The following VPS26C variants were observed in gnomAD, a reference collection of about 807,000 sequenced individuals.
VPS26C encodes the protein vacuolar protein sorting-associated protein 26C.
Under a neutral mutation model 30.6 loss-of-function variants are expected in VPS26C, and 19 were observed. That is an observed-to-expected ratio of 0.62 (90% CI 0.43 to 0.91). VPS26C has a LOEUF of 0.91. Ranked by LOEUF, VPS26C falls within the 40% of genes least tolerant of loss-of-function variation. The probability of loss-of-function intolerance (pLI) is 0.00; values close to 1 mark genes in which losing one functional copy is unlikely to be tolerated. For synonymous variants in VPS26C, 132 were observed against 151.5 expected (o/e 0.87, Z 0.95); for missense variants, 318 against 385.1 (o/e 0.83, Z 1.46).
intron 3 of VPS26C, among the ~76,000 whole-genome samples, chr21:37,234,129 G>A (rs1321693433): frequency 6.6e-6 from 1 of 152,182 alleles, no homozygotes; most frequent in Non-Finnish European, 1.5e-5. Flanking sequence ...GGTCCTCAGG[G>A]AACTTCTAGT....
At chr21:37,238,327 T>C in intron 3 of VPS26C, 133 bp downstream of exon 3, 1 of 999,448 alleles carries the variant, frequency 1.0e-6, no homozygotes, top group Non-Finnish European at 1.4e-6. Context: ...TAACGTCGAA[T>C]ATACATGCGA....
chr21:37,248,618 C>T (rs1419437755), intron 1 of VPS26C, among the ~76,000 whole-genome samples: 1 of 151,514 alleles, frequency 6.6e-6, no homozygotes, highest in Non-Finnish European at 1.5e-5. Flanking sequence ...AAATAAGGCC[C>T]CCAAACCCGA....
At chr21:37,241,640 A>G (rs545033301) in intron 1 of VPS26C, among the ~76,000 whole-genome samples, 17 of 152,166 alleles carry the variant, frequency 1.1e-4, no homozygotes, top group African/African-American at 4.1e-4. Context: ...TAACATAGCG[A>G]GACTCCATCT....
rs564928834 is a variant in VPS26C, at chr21:37,234,865, C to T, written c.352-1423G>A. On this transcript the variant is annotated intron_variant, in intron 3 of 7. Coordinates refer to ENST00000309117, the MANE Select transcript of VPS26C (RefSeq NM_006052.2). ...TATATTCTTTTTTTGTTTTTTAATA[C>T]GGAGTCTCACTCTGTCACCCAGGCT... is the stretch of plus-strand genomic sequence containing the variant. 1.1e-4 allele frequency among the ~76,000 whole-genome samples: 16 copies of T among 151,840 alleles called. No homozygotes were observed. In the South Asian group the frequency reaches 2.7e-3, roughly 26 times the overall value.
At chr21:37,241,771 G>A (rs1208317085) in intron 1 of VPS26C, among the ~76,000 whole-genome samples, 2 of 152,174 alleles carry the variant, frequency 1.3e-5, no homozygotes, top group African/African-American at 4.8e-5. Context: ...GCAGCGAGCT[G>A]TGACTACGCT....
Position 37,238,629 on chromosome 21 carries a change from C to T in VPS26C, c.202-20G>A. 6.2e-7 allele frequency: 1 copy of T among 1,612,916 alleles called. No homozygotes were observed. Among genetic ancestry groups the T allele is most frequent in the South Asian group, 1.1e-5 (1 of 90,906 alleles). On this transcript the variant is annotated intron_variant, in intron 2 of 7. Transcript: ENST00000309117. Reference sequence around the variant, plus strand: ...GATAGGCTGTAAACAAAAATCAGTTCAGTCCATCAGCACACACTTGGAAAT... The same window carrying T: ...GATAGGCTGTAAACAAAAATCAGTTTAGTCCATCAGCACACACTTGGAAAT...
At chr21:37,251,140 G>A (rs1206624774) in intron 1 of VPS26C, among the ~76,000 whole-genome samples, 1 of 152,130 alleles carries the variant, frequency 6.6e-6, no homozygotes, top group East Asian at 1.9e-4. Context: ...CATTGCTGGG[G>A]ATAACCTGAA....
At chr21:37,227,574 C>A in intron 7 of VPS26C, 80 bp downstream of exon 7, 1 of 1,532,808 alleles carries the variant, frequency 6.5e-7, no homozygotes, top group Non-Finnish European at 9.0e-7. Flanking sequence ...AGGTTCTGAG[C>A]TCTGTGACCC....
rs756492772 is a variant in VPS26C, at chr21:37,228,373, T to C, written c.508A>G (p.Arg170Gly). 5 of 1,613,760 alleles carry C rather than the reference T, an allele frequency of 3.1e-6. No individual in the cohort carries two copies. In the Admixed American group the frequency reaches 5.0e-5, roughly 16 times the overall value. The part of the protein sequence containing the change: ...TPETLQNVKE[R>G]ALLPKFLLRG... The stretch of plus-strand genomic sequence containing the variant: ...AGGAGAAATTTGGGAAGCAAAGCTC[T>C]CTAAAACAAAATGAAAACAAATACA... The change falls in exon 6 of 8, where the codon AGA (arginine) becomes GGA (glycine). Residue 170 changes from arginine to glycine, a missense_variant and splice_region_variant. Physicochemically the swap from Arg to Gly is moderately radical, Grantham distance 125. Coordinates refer to ENST00000309117, the MANE Select transcript of VPS26C (RefSeq NM_006052.2).
intron 1 of VPS26C, among the ~76,000 whole-genome samples, chr21:37,244,372 G>C (rs1473282461): frequency 2.0e-5 from 3 of 152,196 alleles, no homozygotes; most frequent in African/African-American, 7.2e-5. Context: ...CAAGTAGCTG[G>C]GACTACAGGC....
chr21:37,235,089 C>A (rs1185612991), intron 3 of VPS26C, among the ~76,000 whole-genome samples: 1 of 152,012 alleles, frequency 6.6e-6, no homozygotes, highest in South Asian at 2.1e-4. Flanking sequence ...TCACTGCAAA[C>A]TCTGCCTCCT....
chr21:37,267,537 C>A (rs564359364), upstream of VPS26C: 4 of 564,100 alleles, frequency 7.1e-6, no homozygotes, highest in Non-Finnish European at 9.4e-6. Flanking sequence ...CACCCCGCCC[C>A]CTCTGGGCGT....
At chr21:37,263,656 G>A (rs563763717) in intron 1 of VPS26C, among the ~76,000 whole-genome samples, 7 of 152,140 alleles carry the variant, frequency 4.6e-5, no homozygotes, top group African/African-American at 1.4e-4. Context: ...TGACAAACAC[G>A]TTTCACTTGA....
At chr21:37,237,082 GCA>G (rs1362888825) in intron 3 of VPS26C, among the ~76,000 whole-genome samples, 4 of 152,296 alleles carry the variant, frequency 2.6e-5, no homozygotes, top group African/African-American at 4.8e-5. Context: ...TGCCTGGCCA[GCA>G]CACACGTTTT....
At chr21:37,250,171 G>T (rs905097361) in intron 1 of VPS26C, among the ~76,000 whole-genome samples, 1 of 152,118 alleles carries the variant, frequency 6.6e-6, no homozygotes, top group Non-Finnish European at 1.5e-5. Context: ...CAGGCATGAT[G>T]ATACATGCCT....
chr21:37,246,357 T>C (rs886957261), intron 1 of VPS26C, among the ~76,000 whole-genome samples: 11 of 152,034 alleles, frequency 7.2e-5, no homozygotes, highest in African/African-American at 2.7e-4. Context: ...GACCCTAGAA[T>C]TTATACTCAC....
intron 1 of VPS26C, 27 bp downstream of exon 1, chr21:37,267,211 C>T (rs747571859): frequency 3.3e-6 from 3 of 917,966 alleles, no homozygotes; most frequent in Non-Finnish European, 5.3e-6. Context: ...AACCCCACCT[C>T]CATCCCCACC....
chr21:37,250,019 T>A (rs1002376154), intron 1 of VPS26C, among the ~76,000 whole-genome samples: 3 of 152,116 alleles, frequency 2.0e-5, no homozygotes, highest in Non-Finnish European at 4.4e-5. Context: ...AAAAATTAAG[T>A]TGGGCCGGGC....
At chr21:37,261,356 T>G (rs1184473190) in intron 1 of VPS26C, 1 of 152,194 alleles carries the variant, frequency 6.6e-6, no homozygotes. Context: ...CCCAGACCAA[T>G]GTCCTGGAGC....
Sources: allele counts gnomAD v4.1 joint callset (sites outside exome capture counted in the v4.1 genomes callset), GRCh38; gene constraint gnomAD v4.1.1; transcripts MANE v1.5; gene names NCBI Gene and HGNC (gene_info 2026-07-23, HGNC 2026-07-21).